The following RELN variants were observed in gnomAD, a reference collection of about 807,000 sequenced individuals.
RELN encodes reelin.
Under a neutral mutation model 427.6 loss-of-function variants are expected in RELN, and 108 were observed. That is an observed-to-expected ratio of 0.25 (90% CI 0.22 to 0.30). The LOEUF (loss-of-function observed/expected upper bound fraction) is 0.30. RELN is among the 10% of genes least tolerant of loss of function. The pLI is 1.00. For missense variants in RELN, 3,715 were observed against 4,302.8 expected, an observed-to-expected ratio of 0.86 and a Z score of 3.82; for synonymous variants, 1,524 against 1,513.4, an observed-to-expected ratio of 1.01 and a Z score of -0.16.
At chr7:103,923,433 T>C (rs1795658503) in intron 1 of RELN, among the ~76,000 whole-genome samples, 1 of 151,518 alleles carries the variant, frequency 6.6e-6, no homozygotes, top group Non-Finnish European at 1.5e-5. Flanking sequence ...GGTATTTCAA[T>C]AATAGCATTC....
intron 1 of RELN, among the ~76,000 whole-genome samples, chr7:103,969,805 T>C (rs1796726807): frequency 6.6e-6 from 1 of 152,196 alleles, no homozygotes; most frequent in South Asian, 2.1e-4. Flanking sequence ...ACATATATTA[T>C]ATCTCATTTA....
chr7:103,559,025 C>T (rs919994579), intron 36 of RELN, among the ~76,000 whole-genome samples: 2 of 152,174 alleles, frequency 1.3e-5, no homozygotes, highest in Non-Finnish European at 2.9e-5. Flanking sequence ...ACAATAGCAA[C>T]CATATATTGA....
intron 3 of RELN, among the ~76,000 whole-genome samples, chr7:103,787,398 G>A (rs1398077665): frequency 6.6e-6 from 1 of 151,924 alleles, no homozygotes; most frequent in East Asian, 1.9e-4. Flanking sequence ...TCCAGGAGCT[G>A]GTTTTCTGAA....
At chr7:103,779,361 G>A (rs897108612) in intron 3 of RELN, among the ~76,000 whole-genome samples, 1 of 152,164 alleles carries the variant, frequency 6.6e-6, no homozygotes, top group Non-Finnish European at 1.5e-5. Flanking sequence ...CTTGGGAAAA[G>A]AAGTAGTAGT....
At chr7:103,747,166 A>G (rs1374789253) in intron 6 of RELN, among the ~76,000 whole-genome samples, 2 of 151,864 alleles carry the variant, frequency 1.3e-5, no homozygotes, top group Admixed American at 6.6e-5. Flanking sequence ...CGCAAGGACA[A>G]AAAACCAAAC....
chr7:103,885,186 A>G (rs1474047465), intron 2 of RELN, among the ~76,000 whole-genome samples: 1 of 152,046 alleles, frequency 6.6e-6, no homozygotes, highest in Admixed American at 6.6e-5. Flanking sequence ...AAAAATACAA[A>G]AAGTTAGCCA....
intron 34 of RELN, among the ~76,000 whole-genome samples, chr7:103,564,908 G>A (rs979480476): frequency 5.9e-5 from 9 of 152,052 alleles, no homozygotes; most frequent in African/African-American, 2.2e-4. Context: ...TTCATACTGT[G>A]GTACTGAGAT....
intron 22 of RELN, among the ~76,000 whole-genome samples, chr7:103,605,236 A>G (rs1437130834): frequency 6.6e-6 from 1 of 152,244 alleles, no homozygotes; most frequent in African/African-American, 2.4e-5. Flanking sequence ...AGTTCGTAAT[A>G]TAAGACAAAA....
chr7:103,649,608 T>G (rs775323098), intron 16 of RELN, among the ~76,000 whole-genome samples: 1 of 151,314 alleles, frequency 6.6e-6, no homozygotes, highest in African/African-American at 2.4e-5. Flanking sequence ...AACCAAAGAG[T>G]TGGTGATTAA....
rs112585048 is a variant in RELN, at chr7:103,913,901, T to C, written c.337+3174A>G. Among the ~76,000 whole-genome samples, 459 of 152,304 alleles carry C rather than the reference T, an allele frequency of 3.0e-3. 3 individuals carry two copies. Among genetic ancestry groups the C allele is most frequent in the African/African-American group, 0.011 (438 of 41,580 alleles). ...CTTAATAAAATATCTCACCTACCTA[T>C]ACATCCATATAAAACATATGTCCTA... On this transcript the variant is annotated intron_variant, in intron 2 of 64. Transcript: ENST00000428762.
At chr7:103,844,147 G>A (rs968229753) in intron 2 of RELN, among the ~76,000 whole-genome samples, 21 of 152,134 alleles carry the variant, frequency 1.4e-4, no homozygotes, top group African/African-American at 5.1e-4. Context: ...AAAGGAAGAG[G>A]CTTTACAGAT....
chr7:103,757,886 A>C (rs1038102379), intron 4 of RELN, among the ~76,000 whole-genome samples: 5 of 152,180 alleles, frequency 3.3e-5, no homozygotes, highest in African/African-American at 1.2e-4. Context: ...GACCCATGAA[A>C]CTGTACATAG....
chr7:103,849,541 C>G (rs1470571741), intron 2 of RELN, among the ~76,000 whole-genome samples: 3 of 152,306 alleles, frequency 2.0e-5, no homozygotes, highest in South Asian at 4.1e-4. Context: ...ATGTGACACC[C>G]TGCGTATCCC....
chr7:103,912,088 A>C (rs1459701282), intron 2 of RELN, among the ~76,000 whole-genome samples: 1 of 152,220 alleles, frequency 6.6e-6, no homozygotes, highest in Non-Finnish European at 1.5e-5. Context: ...TCTATTAAAA[A>C]TATGACATGA....
chr7:103,925,043 C>T (rs906525287), intron 1 of RELN, among the ~76,000 whole-genome samples: 1 of 148,910 alleles, frequency 6.7e-6, no homozygotes, highest in Non-Finnish European at 1.5e-5. Flanking sequence ...CACACACGCT[C>T]ACTCAGAATT....
At chr7:103,684,015 A>G (rs529509077) in intron 10 of RELN, among the ~76,000 whole-genome samples, 1 of 152,298 alleles carries the variant, frequency 6.6e-6, no homozygotes, top group East Asian at 1.9e-4. Flanking sequence ...CAAGGTTTGC[A>G]GTGGTAAAAT....
chr7:103,644,367 C>G (rs113916393), intron 16 of RELN, among the ~76,000 whole-genome samples: 1 of 148,244 alleles, frequency 6.7e-6, no homozygotes, highest in Non-Finnish European at 1.5e-5. Context: ...ACAATCAATT[C>G]AGGATATGAA....
At chr7:103,556,890 T>C (rs895216416) in intron 38 of RELN, 87 bp downstream of exon 38, 7 of 1,118,066 alleles carry the variant, frequency 6.3e-6, no homozygotes, top group Non-Finnish European at 9.6e-6. Flanking sequence ...GCTGCTCAGT[T>C]GACAAACACT....
intron 1 of RELN, among the ~76,000 whole-genome samples, chr7:103,946,761 T>C (rs912309842): frequency 6.6e-6 from 1 of 152,204 alleles, no homozygotes; most frequent in African/African-American, 2.4e-5. Context: ...TGTAATGCAT[T>C]AAGCTTTTGA....
Sources: gnomAD v4.1 joint callset for allele counts (sites outside exome capture counted in the v4.1 genomes callset) on GRCh38, gnomAD v4.1.1 for gene constraint, MANE v1.5 for transcripts, NCBI Gene and HGNC (gene_info 2026-07-23, HGNC 2026-07-21) for gene names.